The following P4HA1 variants were observed in gnomAD, a reference collection of about 807,000 sequenced individuals.
P4HA1 encodes prolyl 4-hydroxylase subunit alpha-1.
In P4HA1, 24 loss-of-function variants were observed where a neutral mutation model predicts 72.8. The ratio of observed to expected loss-of-function variants is 0.33; its 90% CI spans 0.24 to 0.46. P4HA1 has a LOEUF of 0.46. P4HA1 is among the 20% of genes least tolerant of loss of function. The pLI is 1.00. For synonymous variants in P4HA1, 201 were observed against 218.8 expected (o/e 0.92, Z 0.72); for missense variants, 446 against 640.6 (o/e 0.70, Z 3.28).
At chr10:73,044,876 T>TA in intron 9 of P4HA1, 105 bp downstream of exon 9, 1 of 829,788 alleles carries the variant, frequency 1.2e-6, no homozygotes, top group South Asian at 1.7e-5. Flanking sequence ...GGTGGTGACT[T>TA]GAGCTGGTGA....
intron 9 of P4HA1, among the ~76,000 whole-genome samples, chr10:73,038,273 A>C (rs1286375309): frequency 6.6e-6 from 1 of 152,100 alleles, no homozygotes; most frequent in East Asian, 1.9e-4. Flanking sequence ...AATAAAGTAA[A>C]ATAAAATAAA....
chr10:73,095,983 A>G (rs1021798877), intron 1 of P4HA1, among the ~76,000 whole-genome samples: 1 of 152,220 alleles, frequency 6.6e-6, no homozygotes, highest in African/African-American at 2.4e-5. Context: ...ACTGATGTGG[A>G]CTTTTAAAAG....
intron 9 of P4HA1, among the ~76,000 whole-genome samples, chr10:73,039,155 G>A (rs1840673734): frequency 6.6e-6 from 1 of 152,098 alleles, no homozygotes; most frequent in Non-Finnish European, 1.5e-5. Context: ...ATGGTGGTGA[G>A]CACCTGTATT....
In P4HA1 at chr10:73,051,224, A is replaced by G. The variant is rs751985254; in HGVS notation, c.729T>C (p.Gly243=). The part of the protein sequence containing the change: ...ELDPEHQRAN[G]NLKYFEYIMA... The stretch of plus-strand genomic sequence containing the variant: ...TTATATACTCAAAATATTTTAAGTT[A>G]CCATTAGCTCTCTGATGTTCAGGAT... The change falls in exon 7 of 15, where the codon GGT becomes GGC. Residue 243 remains glycine, a synonymous_variant. Transcript: ENST00000394890. 11 of 1,594,702 alleles carry G rather than the reference A, an allele frequency of 6.9e-6. No individual in the cohort carries two copies. The highest frequency in any genetic ancestry group is 8.6e-6 in the Non-Finnish European group (10 of 1,163,436).
intron 5 of P4HA1, among the ~76,000 whole-genome samples, chr10:73,058,655 A>G (rs1421571252): frequency 6.6e-6 from 1 of 152,180 alleles, no homozygotes; most frequent in Non-Finnish European, 1.5e-5. Context: ...TAGAACCTCC[A>G]CAAAATAGAG....
intron 1 of P4HA1, among the ~76,000 whole-genome samples, chr10:73,092,338 TTTC>T (rs1380153216): frequency 5.6e-4 from 84 of 150,140 alleles, no homozygotes; most frequent in African/African-American, 1.6e-3. Context: ...ATAATTTTTT[TTTC>T]TTTTCTTTTT....
At chr10:73,069,046 C>T in intron 4 of P4HA1, 63 bp from the exon 5 acceptor site, 4 of 1,218,012 alleles carry the variant, frequency 3.3e-6, no homozygotes, top group Non-Finnish European at 3.5e-6. Context: ...CATAAAGAGA[C>T]TTAATAAGGA....
intron 9 of P4HA1, among the ~76,000 whole-genome samples, chr10:73,036,343 G>A (rs548364567): frequency 2.4e-4 from 37 of 152,006 alleles, no homozygotes; most frequent in African/African-American, 8.4e-4. Flanking sequence ...CTGATGCATG[G>A]GAAGTTATTT....
intron 1 of P4HA1, among the ~76,000 whole-genome samples, chr10:73,076,524 T>C (rs891099761): frequency 6.6e-6 from 1 of 152,156 alleles, no homozygotes; most frequent in Non-Finnish European, 1.5e-5. Flanking sequence ...TATGGCCTCT[T>C]TTCTTTTTTT....
chr10:73,014,119 T>TA, intron 12 of P4HA1, 105 bp downstream of exon 12: 3 of 767,872 alleles, frequency 3.9e-6, no homozygotes, highest in Non-Finnish European at 6.6e-6. Context: ...GTAAAAATGT[T>TA]AAACTAGGAT....
intron 12 of P4HA1, among the ~76,000 whole-genome samples, chr10:73,011,696 A>C (rs1839913630): frequency 6.6e-6 from 1 of 152,154 alleles, no homozygotes; most frequent in Non-Finnish European, 1.5e-5. Context: ...GATTTTTTTA[A>C]AGCAACATAA....
intron 4 of P4HA1, among the ~76,000 whole-genome samples, chr10:73,069,806 G>GTTTTTTTTTTTTTTTTTTTTTTT (rs201651550): frequency 6.8e-6 from 1 of 147,418 alleles, no homozygotes; most frequent in African/African-American, 2.6e-5. Context: ...ATAATCAACT[G>GTTTTTTTTTTTTTTTTTTTTTTT]TTTTGTTTTT....
rs1267079644 is a variant in P4HA1 at position 73,014,305 on chromosome 10, C to T, written c.1303-16G>A. On this transcript the variant is annotated splice_polypyrimidine_tract_variant and intron_variant, in intron 11 of 14. Coordinates refer to ENST00000394890, the MANE Select transcript of P4HA1 (RefSeq NM_001017962.3). ...GCTCATCTTTCTGTGAATAAAAACACAGTAAATTCAATGGTGTAAAAATTC... is the reference window on the plus strand; with the variant it reads ...GCTCATCTTTCTGTGAATAAAAACATAGTAAATTCAATGGTGTAAAAATTC... 1.3e-6 allele frequency: 2 copies of T among 1,591,708 alleles called. No individual in the cohort carries two copies. Among genetic ancestry groups the T allele is most frequent in the South Asian group, 2.2e-5 (2 of 90,490 alleles).
intron 9 of P4HA1, 107 bp downstream of exon 9, chr10:73,044,874 C>G: frequency 1.2e-6 from 1 of 815,458 alleles, no homozygotes; most frequent in South Asian, 1.7e-5. Context: ...AGGGTGGTGA[C>G]TTGAGCTGGT....
At chr10:73,091,171 A>T (rs971467977) in intron 1 of P4HA1, among the ~76,000 whole-genome samples, 15 of 151,028 alleles carry the variant, frequency 9.9e-5, no homozygotes, top group South Asian at 2.1e-4. Flanking sequence ...GTTTACCAAA[A>T]AAATAAATAA....
chr10:73,083,956 A>G (rs912541645), intron 1 of P4HA1, among the ~76,000 whole-genome samples: 3 of 152,200 alleles, frequency 2.0e-5, no homozygotes, highest in African/African-American at 7.2e-5. Context: ...AAAAAATTCT[A>G]TTTCTGTAAA....
intron 8 of P4HA1, 33 bp from the exon 9 acceptor site, chr10:73,045,084 C>G: frequency 6.3e-7 from 1 of 1,581,656 alleles, no homozygotes. Context: ...AGTTGCATTA[C>G]AAAACAAAAA....
At chr10:73,031,639 A>C (rs1211466597) in intron 9 of P4HA1, among the ~76,000 whole-genome samples, 1 of 146,728 alleles carries the variant, frequency 6.8e-6, no homozygotes, top group South Asian at 2.3e-4. Flanking sequence ...GGGGATGGGG[A>C]TGGGGCTGGG....
At chr10:73,021,376 T>C (rs563380230) in intron 10 of P4HA1, among the ~76,000 whole-genome samples, 2 of 152,324 alleles carry the variant, frequency 1.3e-5, no homozygotes, top group South Asian at 2.1e-4. Context: ...CCCATGTTTA[T>C]TGCAGGACTA....
Sources: allele counts gnomAD v4.1 joint callset (sites outside exome capture counted in the v4.1 genomes callset), GRCh38; gene constraint gnomAD v4.1.1; transcripts MANE v1.5; gene names NCBI Gene and HGNC (gene_info 2026-07-23, HGNC 2026-07-21).